MAP4K3: variants seen among roughly 807,000 people sequenced by gnomAD.
The protein encoded by MAP4K3 is MAPK/ERK kinase kinase kinase 3.
MAP4K3 carries 94 observed loss-of-function variants against 143.5 expected under a neutral mutation model. The ratio of observed to expected loss-of-function variants is 0.65; its 90% CI spans 0.55 to 0.78. The LOEUF is 0.78. MAP4K3 is among the 30% of genes least tolerant of loss of function. MAP4K3 has a pLI of 0.00. For synonymous variants in MAP4K3, 416 were observed against 347.2 expected, an observed-to-expected ratio of 1.20 and a Z score of -2.20; for missense variants, 1,077 against 1,068.1, an observed-to-expected ratio of 1.01 and a Z score of -0.12.
chr2:39,263,797 C>T (rs2148444254), intron 28 of MAP4K3, among the ~76,000 whole-genome samples: 1 of 152,218 alleles, frequency 6.6e-6, no homozygotes, highest in South Asian at 2.1e-4. Context: ...GTACCATCTA[C>T]CCGGAAAAGA....
chr2:39,412,587 AG>A (rs1667261339), intron 1 of MAP4K3, among the ~76,000 whole-genome samples: 1 of 152,230 alleles, frequency 6.6e-6, no homozygotes, highest in South Asian at 2.1e-4. Context: ...ATAAAACCCT[AG>A]AAACACTCAG....
At chr2:39,332,773 T>C (rs1259039009) in intron 7 of MAP4K3, among the ~76,000 whole-genome samples, 5 of 152,064 alleles carry the variant, frequency 3.3e-5, no homozygotes, top group Non-Finnish European at 5.9e-5. Flanking sequence ...AGGAAATTTT[T>C]ATTATATGTT....
At chr2:39,369,867 T>G (rs1042632415) in intron 2 of MAP4K3, among the ~76,000 whole-genome samples, 6 of 152,220 alleles carry the variant, frequency 3.9e-5, no homozygotes, top group Non-Finnish European at 5.9e-5. Flanking sequence ...GAATTAAGTC[T>G]TTCTAGTCAC....
At chr2:39,422,937 T>C (rs1176294407) in intron 1 of MAP4K3, among the ~76,000 whole-genome samples, 6 of 152,132 alleles carry the variant, frequency 3.9e-5, no homozygotes, top group African/African-American at 1.2e-4. Context: ...TGGACATCAT[T>C]AAAATTAAAA....
intron 1 of MAP4K3, among the ~76,000 whole-genome samples, chr2:39,415,952 C>CAAAAAAAAAAAA (rs1192060497): frequency 3.8e-4 from 1 of 2,658 alleles, no homozygotes; most frequent in Admixed American, 6.8e-3. Flanking sequence ...GGCTCTGTCT[C>CAAAAAAAAAAAA]AAAAAAAAAA....
chr2:39,324,449 A>G (rs1196195006), intron 12 of MAP4K3, among the ~76,000 whole-genome samples: 1 of 152,086 alleles, frequency 6.6e-6, no homozygotes, highest in African/African-American at 2.4e-5. Flanking sequence ...TTCAGAGTAT[A>G]ATTATAAGAT....
Position 39,378,107 on chromosome 2 carries a change from G to C in MAP4K3, c.113C>G (p.Thr38Ser), listed in dbSNP as rs1400017645. The change falls in exon 2 of 34, where the codon ACT becomes AGT. Residue 38 changes from threonine (T) to serine (S), a missense_variant. By Grantham distance (58) the Thr-to-Ser change is moderately conservative. Transcript: ENST00000263881. ...GDVYKARNVN[T>S]GELAAIKVIK... ...TACTTTAATTGCTGCTAATTCACCA[G>C]TGTTAACATTCCGTGCCTAAAAGAA... is the stretch of plus-strand genomic sequence containing the variant. 1.3e-6 allele frequency: 2 copies of C among 1,588,004 alleles called. No individual in the cohort carries two copies. Among genetic ancestry groups the C allele is most frequent in the South Asian group, 1.1e-5 (1 of 86,962 alleles).
intron 15 of MAP4K3, among the ~76,000 whole-genome samples, chr2:39,302,731 C>T (rs976278029): frequency 6.6e-6 from 1 of 152,158 alleles, no homozygotes; most frequent in African/African-American, 2.4e-5. Flanking sequence ...ACTAATCAGG[C>T]ATCAACTTGT....
At chr2:39,430,227 T>C (rs1327736314) in intron 1 of MAP4K3, among the ~76,000 whole-genome samples, 1 of 152,176 alleles carries the variant, frequency 6.6e-6, no homozygotes, top group Admixed American at 6.5e-5. Flanking sequence ...CAAGGTAAGG[T>C]AGATGATCCT....
chr2:39,310,586 C>T (rs1227795659), intron 13 of MAP4K3, among the ~76,000 whole-genome samples: 3 of 150,414 alleles, frequency 2.0e-5, no homozygotes, highest in Non-Finnish European at 3.0e-5. Flanking sequence ...ATACTGGTAT[C>T]CTTTCTTTTG....
At chr2:39,379,050 C>T (rs1228903519) in intron 1 of MAP4K3, among the ~76,000 whole-genome samples, 2 of 152,020 alleles carry the variant, frequency 1.3e-5, no homozygotes, top group East Asian at 3.9e-4. Context: ...AAGAACAATA[C>T]ATGCCATTCC....
intron 21 of MAP4K3, 123 bp from the exon 22 acceptor site, chr2:39,282,677 A>G: frequency 1.5e-6 from 1 of 675,038 alleles, no homozygotes; most frequent in Non-Finnish European, 2.5e-6. Flanking sequence ...ACAAAACATT[A>G]CAGTTAAGGC....
intron 1 of MAP4K3, among the ~76,000 whole-genome samples, chr2:39,414,043 T>C (rs1485263582): frequency 1.3e-5 from 2 of 152,196 alleles, no homozygotes; most frequent in African/African-American, 4.8e-5. Flanking sequence ...CTAGAGAACA[T>C]GATTCTCATG....
In MAP4K3 at chr2:39,383,737, A is replaced by G. The variant is rs539969900; in HGVS notation, c.97-5614T>C. Among the ~76,000 whole-genome samples the G allele has an allele frequency of 4.6e-5, 7 of 152,300 alleles. No individual in the cohort carries two copies. In the East Asian group the frequency reaches 1.4e-3, roughly 29 times the overall value. Reference sequence around the variant, plus strand: ...ATATACCAATAAACCCTGAGCTGACATGAAAATAGGAAACAGGGCAAATTC... The same window carrying G: ...ATATACCAATAAACCCTGAGCTGACGTGAAAATAGGAAACAGGGCAAATTC... On this transcript the variant is annotated intron_variant, in intron 1 of 33. Transcript: ENST00000263881.
Position 39,292,771 on chromosome 2 carries a change from ACTG to A in MAP4K3, c.1270_1271+1del. The A allele has an allele frequency of 6.2e-7, 1 of 1,611,918 alleles. No homozygotes were observed. The highest frequency in any genetic ancestry group is 8.5e-7 in the Non-Finnish European group (1 of 1,178,152). On this transcript the variant is annotated splice_donor_variant and coding_sequence_variant, in exon 18 of 34. Coordinates refer to ENST00000263881, the MANE Select transcript of MAP4K3 (RefSeq NM_003618.4). LOFTEE classifies it high-confidence loss of function. ...TTTACCAAAAACAGAGACAGAACTT[ACTG>A]TTTAGATTCATCATCATCTCCTTCA...
At chr2:39,282,396 T>TA in intron 22 of MAP4K3, 117 bp downstream of exon 22, 1 of 815,736 alleles carries the variant, frequency 1.2e-6, no homozygotes, top group Non-Finnish European at 2.0e-6. Context: ...AGCAATCTTA[T>TA]AGATTTTTTT....
At chr2:39,318,341 T>C (rs569574227) in intron 12 of MAP4K3, among the ~76,000 whole-genome samples, 1 of 152,168 alleles carries the variant, frequency 6.6e-6, no homozygotes, top group African/African-American at 2.4e-5. Context: ...CCCCGTGACA[T>C]ACCATTTATC....
intron 1 of MAP4K3, among the ~76,000 whole-genome samples, chr2:39,410,843 C>G (rs978314833): frequency 1.3e-5 from 2 of 152,122 alleles, no homozygotes; most frequent in African/African-American, 4.8e-5. Flanking sequence ...ACAATGACAT[C>G]AAAGGCACAT....
At position 39,437,132 on chromosome 2, in the gene MAP4K3, C is replaced by T. The variant is rs985774165; in HGVS notation, c.-145G>A. 2.5e-5 allele frequency: 12 copies of T among 480,316 alleles called. 1 individual carries two copies. In the Admixed American group the frequency reaches 4.5e-4, roughly 18 times the overall value. The allele number at this position is 480,316 out of a possible 1,614,324, so 29.8% of individuals were successfully genotyped here. ...GGCTCCACGCTGCGGCCGCCGCCGC[C>T]GCCGCCGCTCCCCTCACGCCGCTGC... On this transcript the variant is annotated 5_prime_UTR_variant, in exon 1 of 34. Transcript: ENST00000263881.
Sources: allele counts gnomAD v4.1 joint callset (sites outside exome capture counted in the v4.1 genomes callset), GRCh38; gene constraint gnomAD v4.1.1; transcripts MANE v1.5; gene names NCBI Gene and HGNC (gene_info 2026-07-23, HGNC 2026-07-21).